ARMCX4: variants seen among roughly 807,000 people sequenced by gnomAD.
ARMCX4 encodes the protein armadillo repeat containing X-linked 4, also known as armadillo repeat-containing X-linked protein 4.
Under a neutral mutation model 34.7 loss-of-function variants are expected in ARMCX4, and 3 were observed. The observed-to-expected ratio is 0.09, with a 90% CI of 0.04 to 0.22. The LOEUF is 0.22. Ranked by LOEUF, ARMCX4 falls within the 10% of genes least tolerant of loss-of-function variation. ARMCX4 has a pLI of 1.00. For synonymous variants in ARMCX4, 513 were observed against 632.8 expected (o/e 0.81, Z 2.84); for missense variants, 1,448 against 1,720.8 (o/e 0.84, Z 2.81).
intron 4 of ARMCX4, among the ~76,000 whole-genome samples, chrX:101,475,376 C>A (rs183970129): frequency 0.029 from 3,167 of 108,750 alleles, 120 homozygotes; most frequent in African/African-American, 0.1. Flanking sequence ...TGAGGGCTGA[C>A]AAAAGTTGGG....
intron 11 of ARMCX4, among the ~76,000 whole-genome samples, chrX:101,517,164 A>T (rs782744432): frequency 1.8e-5 from 2 of 111,900 alleles, no homozygotes; most frequent in South Asian, 7.4e-4. Flanking sequence ...CCTAATATGT[A>T]GTGTCTGTTT....
At chrX:101,467,581 T>C (rs1932814574) in intron 4 of ARMCX4, among the ~76,000 whole-genome samples, 1 of 112,279 alleles carries the variant, frequency 8.9e-6, no homozygotes, top group Admixed American at 9.5e-5. Context: ...TCCTCTTTTG[T>C]AAAGTTATGT....
At chrX:101,483,191 G>A (rs1435003875), upstream of ARMCX4, among the ~76,000 whole-genome samples, 1 of 109,453 alleles carries the variant, frequency 9.1e-6, no homozygotes, top group African/African-American at 3.3e-5. Context: ...ACCGTGCCCG[G>A]CTGCGTCAGT....
intron 2 of ARMCX4, among the ~76,000 whole-genome samples, chrX:101,439,709 C>G (rs1472006116): frequency 1.8e-5 from 2 of 111,568 alleles, no homozygotes; most frequent in Non-Finnish European, 3.8e-5. Flanking sequence ...CTTCTCTTCT[C>G]GCTTCATTTC....
intron 4 of ARMCX4, among the ~76,000 whole-genome samples, chrX:101,474,196 C>G (rs1933055736): frequency 1.6e-5 from 1 of 62,518 alleles, no homozygotes; most frequent in Non-Finnish European, 2.9e-5. Context: ...CGCAAATAAA[C>G]TAGAAAATCT....
Position 101,441,068 on chromosome X carries a change from C to T in ARMCX4, n.165-2984C>T, listed in dbSNP as rs782140422. 1.4e-4 allele frequency among the ~76,000 whole-genome samples: 16 copies of T among 111,284 alleles called. No individual in the cohort carries two copies. In the South Asian group the frequency reaches 3.8e-3, roughly 27 times the overall value. On this transcript the variant is annotated intron_variant and non_coding_transcript_variant, in intron 2 of 3. Coordinates refer to the ARMCX4 transcript ENST00000430461. ...AATCACCTGTCTTCTGCGTCCCTCA[C>T]GCTGGGAGCTGTAGACTGGAGCTGT...
At chrX:101,514,530 A>C (rs1318745874) in intron 11 of ARMCX4, among the ~76,000 whole-genome samples, 1 of 112,175 alleles carries the variant, frequency 8.9e-6, no homozygotes, top group Non-Finnish European at 1.9e-5. Flanking sequence ...CTATTGTTGC[A>C]CTTCACTTGC....
At chrX:101,457,616 G>A (rs992414614) in intron 4 of ARMCX4, among the ~76,000 whole-genome samples, 2 of 110,523 alleles carry the variant, frequency 1.8e-5, no homozygotes, top group Admixed American at 1.9e-4. Context: ...CCAGCTACTC[G>A]GGAGGCTGAG....
At chrX:101,437,430 C>T (rs1376630566) in intron 2 of ARMCX4, among the ~76,000 whole-genome samples, 7 of 111,876 alleles carry the variant, frequency 6.3e-5, no homozygotes, top group African/African-American at 9.8e-5. Context: ...AGTTTATTTG[C>T]GTAGAGGTGT....
At chrX:101,531,162 T>A (rs1426132949) in intron 11 of ARMCX4, among the ~76,000 whole-genome samples, 2 of 112,044 alleles carry the variant, frequency 1.8e-5, no homozygotes, top group Non-Finnish European at 3.8e-5. Flanking sequence ...TGTCACATCT[T>A]TTTCTGACTC....
In ARMCX4 at chrX:101,521,886, C is replaced by G. The variant is rs1934861257; in HGVS notation, c.*1781-9758C>G. Among the ~76,000 whole-genome samples, 3 of 111,565 alleles carry G rather than the reference C, an allele frequency of 2.7e-5. No individual in the cohort carries two copies. The South Asian group carries it at 1.1e-3, about 42-fold the overall frequency. ...AGAACATTCTTCATATGATTTCAATCCTTTTAAATTTATTGAGACTCTTAA... is the reference window on the plus strand; with the variant it reads ...AGAACATTCTTCATATGATTTCAATGCTTTTAAATTTATTGAGACTCTTAA... On this transcript the variant is annotated intron_variant and NMD_transcript_variant, in intron 11 of 12. Coordinates refer to the ARMCX4 transcript ENST00000354842.
chrX:101,434,254 CT>C (rs140569758), intron 2 of ARMCX4, among the ~76,000 whole-genome samples: 9,951 of 89,137 alleles, frequency 0.11, 497 homozygotes, highest in South Asian at 0.25. Flanking sequence ...TTAGAGTATT[CT>C]TTTTTTTTTT....
At chrX:101,500,389 C>T (rs1197595016), downstream of ARMCX4, among the ~76,000 whole-genome samples, 1 of 111,839 alleles carries the variant, frequency 8.9e-6, no homozygotes, top group African/African-American at 3.3e-5. Flanking sequence ...CTGAAACTGC[C>T]CTCACCTTCC....
intron 11 of ARMCX4, among the ~76,000 whole-genome samples, chrX:101,516,152 C>T (rs1934741231): frequency 9.0e-6 from 1 of 110,981 alleles, no homozygotes; most frequent in Non-Finnish European, 1.9e-5. Flanking sequence ...AAAAATATAT[C>T]CACATTCTTA....
intron 11 of ARMCX4, chrX:101,516,512 T>C (rs1159347969): frequency 8.9e-6 from 1 of 112,007 alleles, no homozygotes; most frequent in Admixed American, 9.5e-5. Context: ...ACTGTAGTTA[T>C]ATCTGCATCC....
At chrX:101,531,589 A>G (rs1380152080) in intron 11 of ARMCX4, 1 of 112,187 alleles carries the variant, frequency 8.9e-6, no homozygotes, top group East Asian at 2.8e-4. Context: ...TACTGTGGCA[A>G]AATAATAGAA....
rs782228781 is a variant in ARMCX4 at position 101,441,022 on chromosome X, T to C, written n.165-3030T>C. 9.9e-5 allele frequency among the ~76,000 whole-genome samples: 11 copies of C among 110,959 alleles called. No individual in the cohort carries two copies. The East Asian group carries it at 3.2e-3, about 32-fold the overall frequency. ...ACACTCCTCAGTGAGATGAACCCGG[T>C]ACCTCAGTTGGAAATGCAGAAATCA... is the stretch of plus-strand genomic sequence containing the variant. On this transcript the variant is annotated intron_variant and non_coding_transcript_variant, in intron 2 of 3. Coordinates refer to the ARMCX4 transcript ENST00000430461.
intron 4 of ARMCX4, among the ~76,000 whole-genome samples, chrX:101,471,622 A>G (rs1391808171): frequency 8.9e-6 from 1 of 111,943 alleles, no homozygotes; most frequent in Non-Finnish European, 1.9e-5. Context: ...GAACGGGCAG[A>G]CTGCCTCTTC....
intron 4 of ARMCX4, among the ~76,000 whole-genome samples, chrX:101,454,521 C>A (rs1406418044): frequency 9.2e-6 from 1 of 108,414 alleles, no homozygotes; most frequent in Admixed American, 9.9e-5. Context: ...CTCCTGACCT[C>A]GTGATCCGCC....
Sources: allele counts gnomAD v4.1 joint callset (sites outside exome capture counted in the v4.1 genomes callset), GRCh38; gene constraint gnomAD v4.1.1; transcripts MANE v1.5; gene names NCBI Gene and HGNC (gene_info 2026-07-23, HGNC 2026-07-21).